The following AKT3 variants were observed in gnomAD, a reference collection of about 807,000 sequenced individuals.
AKT3 encodes AKT serine/threonine kinase 3.
AKT3 carries 15 observed loss-of-function variants against 65.3 expected under a neutral mutation model. The ratio of observed to expected loss-of-function variants is 0.23; its 90% CI spans 0.15 to 0.35. AKT3 has a LOEUF of 0.35. Ranked by LOEUF, AKT3 falls within the 10% of genes least tolerant of loss-of-function variation. The probability of loss-of-function intolerance (pLI) is 1.00; values close to 1 mark genes in which losing one functional copy is unlikely to be tolerated. For synonymous variants in AKT3, 206 were observed against 183.8 expected, an observed-to-expected ratio of 1.12 and a Z score of -0.98; for missense variants, 243 against 576.5, an observed-to-expected ratio of 0.42 and a Z score of 5.92.
At chr1:243,573,227 T>C (rs977024872) in intron 8 of AKT3, among the ~76,000 whole-genome samples, 179 bp from the exon 9 acceptor site, 8 of 152,144 alleles carry the variant, frequency 5.3e-5, no homozygotes, top group Non-Finnish European at 1.0e-4. Flanking sequence ...AAGGGGAAAC[T>C]GCGAGCTGTT....
chr1:243,579,309 A>G (rs1675167614), intron 8 of AKT3, among the ~76,000 whole-genome samples: 1 of 152,208 alleles, frequency 6.6e-6, no homozygotes, highest in African/African-American at 2.4e-5. Flanking sequence ...CTGAGAAAGC[A>G]AAGAATAGTC....
chr1:243,717,104 A>T (rs1686560692), intron 2 of AKT3, among the ~76,000 whole-genome samples: 2 of 152,284 alleles, frequency 1.3e-5, no homozygotes, highest in Admixed American at 1.3e-4. Flanking sequence ...CCAGCTCCTT[A>T]GCTCACTCAG....
At chr1:243,570,828 G>T (rs765489012) in intron 9 of AKT3, among the ~76,000 whole-genome samples, 1 of 152,066 alleles carries the variant, frequency 6.6e-6, no homozygotes, top group African/African-American at 2.4e-5. Flanking sequence ...TTAAGTTAAG[G>T]CTATATTTTT....
chr1:243,737,368 T>C (rs371410057), intron 2 of AKT3, among the ~76,000 whole-genome samples: 14 of 152,198 alleles, frequency 9.2e-5, no homozygotes, highest in African/African-American at 3.4e-4. Context: ...GGCATGGGTG[T>C]AATTGTTATT....
At chr1:243,545,365 A>C in intron 12 of AKT3, 145 bp downstream of exon 12, 1 of 468,744 alleles carries the variant, frequency 2.1e-6, no homozygotes, top group Non-Finnish European at 3.7e-6. Context: ...TTTTGTGCAC[A>C]GAAGTTCAAT....
chr1:243,513,691 C>G (rs1202828438), intron 12 of AKT3, among the ~76,000 whole-genome samples: 2 of 152,214 alleles, frequency 1.3e-5, no homozygotes, highest in Non-Finnish European at 1.5e-5. Flanking sequence ...CCCCAGCACA[C>G]AGCTATTCTA....
intron 4 of AKT3, among the ~76,000 whole-genome samples, chr1:243,656,626 G>C (rs1681816687): frequency 6.6e-6 from 1 of 152,166 alleles, no homozygotes; most frequent in Non-Finnish European, 1.5e-5. Context: ...CTAGCAGTAG[G>C]GACAAAAGGG....
At chr1:243,591,142 T>C (rs946204035) in intron 8 of AKT3, among the ~76,000 whole-genome samples, 1 of 152,132 alleles carries the variant, frequency 6.6e-6, no homozygotes, top group Non-Finnish European at 1.5e-5. Flanking sequence ...AGATCTACAA[T>C]GGATTGCCTC....
intron 6 of AKT3, among the ~76,000 whole-genome samples, chr1:243,620,521 T>C (rs1678659951): frequency 7.6e-6 from 1 of 131,384 alleles, no homozygotes; most frequent in African/African-American, 2.5e-5. Context: ...TAGCAATGTA[T>C]ACTTTTTTTT....
chr1:243,518,066 A>G (rs1389348241), intron 12 of AKT3, among the ~76,000 whole-genome samples: 1 of 152,242 alleles, frequency 6.6e-6, no homozygotes, highest in Admixed American at 6.5e-5. Flanking sequence ...AATTATACGA[A>G]TAAGAACTGG....
At chr1:243,759,376 C>T (rs904478070) in intron 2 of AKT3, among the ~76,000 whole-genome samples, 1 of 150,512 alleles carries the variant, frequency 6.6e-6, no homozygotes, top group Non-Finnish European at 1.5e-5. Context: ...TAAAATAATA[C>T]AAGGACAAAT....
chr1:243,807,183 G>A (rs1692782653), intron 2 of AKT3, among the ~76,000 whole-genome samples: 1 of 152,222 alleles, frequency 6.6e-6, no homozygotes, highest in Non-Finnish European at 1.5e-5. Context: ...TCGGACAGTG[G>A]GTGCAGGACA....
At chr1:243,641,452 G>T (rs971960920) in intron 5 of AKT3, among the ~76,000 whole-genome samples, 1 of 151,308 alleles carries the variant, frequency 6.6e-6, no homozygotes, top group African/African-American at 2.4e-5. Flanking sequence ...TGGACAGTAT[G>T]TTCCTCATTT....
intron 8 of AKT3, among the ~76,000 whole-genome samples, chr1:243,606,769 C>A (rs1031716907): frequency 1.3e-5 from 2 of 152,214 alleles, no homozygotes. Context: ...ATCATAGGCC[C>A]AGAGGCCTAG....
intron 2 of AKT3, among the ~76,000 whole-genome samples, chr1:243,811,563 G>A (rs1038945600): frequency 1.3e-5 from 2 of 152,124 alleles, no homozygotes; most frequent in East Asian, 3.9e-4. Flanking sequence ...TCATGGATAG[G>A]AAGAATCAAT....
At chr1:243,765,821 T>G (rs968476397) in intron 2 of AKT3, among the ~76,000 whole-genome samples, 3 of 152,196 alleles carry the variant, frequency 2.0e-5, no homozygotes, top group Non-Finnish European at 4.4e-5. Context: ...TTAATCAGAA[T>G]GAGGGCAGCC....
intron 2 of AKT3, among the ~76,000 whole-genome samples, chr1:243,705,333 TTCTC>T (rs1685729175): frequency 6.6e-6 from 1 of 152,210 alleles, no homozygotes; most frequent in Non-Finnish European, 1.5e-5. Context: ...GAATGGCAAC[TTCTC>T]TAAGATCTCA....
intron 6 of AKT3, among the ~76,000 whole-genome samples, chr1:243,631,089 T>G (rs1455083494): frequency 1.3e-5 from 2 of 152,320 alleles, no homozygotes; most frequent in East Asian, 1.9e-4. Context: ...ATATAAGTTA[T>G]GTTTACACTG....
chr1:243,626,522 G>T (rs1017442266), intron 6 of AKT3, among the ~76,000 whole-genome samples: 2 of 152,198 alleles, frequency 1.3e-5, no homozygotes, highest in Admixed American at 1.3e-4. Flanking sequence ...CATCAGAGGT[G>T]ATGGGCTACC....
Sources: allele counts gnomAD v4.1 joint callset (sites outside exome capture counted in the v4.1 genomes callset), GRCh38; gene constraint gnomAD v4.1.1; transcripts MANE v1.5; gene names NCBI Gene and HGNC (gene_info 2026-07-23, HGNC 2026-07-21).